Variants in CEP70 observed in about 807,000 individuals in gnomAD.
CEP70 encodes the protein centrosomal protein 70, also known as centrosomal protein of 70 kDa.
CEP70 carries 70 observed loss-of-function variants against 90.9 expected under a neutral mutation model. The ratio of observed to expected loss-of-function variants is 0.77; its 90% confidence interval spans 0.64 to 0.94. The LOEUF (loss-of-function observed/expected upper bound fraction) is 0.94, where lower values mean the gene tolerates loss of function less well. Ranked by LOEUF, CEP70 falls within the 40% of genes least tolerant of loss-of-function variation. The probability of loss-of-function intolerance (pLI) is 0.00; values close to 1 mark genes in which losing one functional copy is unlikely to be tolerated. For missense variants in CEP70, 648 were observed against 669.0 expected (o/e 0.97, Z 0.35); for synonymous variants, 220 against 228.3 (o/e 0.96, Z 0.33).
chr3:138,499,482 T>G (rs1257002949), intron 16 of CEP70, among the ~76,000 whole-genome samples: 1 of 152,224 alleles, frequency 6.6e-6, no homozygotes, highest in African/African-American at 2.4e-5. Context: ...TAACAAGGTT[T>G]GAATTTCTCC....
At chr3:138,547,688 T>A (rs1413081384) in intron 6 of CEP70, among the ~76,000 whole-genome samples, 1 of 152,116 alleles carries the variant, frequency 6.6e-6, no homozygotes, top group East Asian at 1.9e-4. Flanking sequence ...AAGGGTTACC[T>A]GAAAATAAGT....
intron 6 of CEP70, among the ~76,000 whole-genome samples, chr3:138,565,306 A>G (rs2040703813): frequency 6.6e-6 from 1 of 152,212 alleles, no homozygotes; most frequent in Admixed American, 6.5e-5. Flanking sequence ...ATCCCCATCA[A>G]GCTACCACTG....
At chr3:138,521,785 T>C (rs2036677203) in intron 11 of CEP70, among the ~76,000 whole-genome samples, 2 of 152,166 alleles carry the variant, frequency 1.3e-5, no homozygotes, top group Non-Finnish European at 1.5e-5. Flanking sequence ...CTGGGAGGTG[T>C]ACCCAACAGC....
chr3:138,523,699 C>A (rs1275376409), intron 11 of CEP70, among the ~76,000 whole-genome samples: 5 of 151,992 alleles, frequency 3.3e-5, no homozygotes, highest in African/African-American at 1.2e-4. Flanking sequence ...GGAGAACTAC[C>A]AACCACTGCT....
At chr3:138,521,038 G>C (rs1228394143) in intron 11 of CEP70, among the ~76,000 whole-genome samples, 1 of 152,178 alleles carries the variant, frequency 6.6e-6, no homozygotes, top group African/African-American at 2.4e-5. Context: ...TCCAACTCCT[G>C]ACCTCGAGTG....
chr3:138,586,677 TG>T (rs2108269007), intron 2 of CEP70, among the ~76,000 whole-genome samples: 1 of 152,052 alleles, frequency 6.6e-6, no homozygotes, highest in Non-Finnish European at 1.5e-5. Context: ...TACCAAAGGC[TG>T]GGAAGAGTAA....
At chr3:138,498,175 C>T (rs2034120495) in intron 16 of CEP70, 65 bp from the exon 17 acceptor site, 7 of 1,145,748 alleles carry the variant, frequency 6.1e-6, no homozygotes, top group Admixed American at 2.1e-5. Flanking sequence ...TGATTGCAAA[C>T]AGAACATTTT....
intron 3 of CEP70, among the ~76,000 whole-genome samples, chr3:138,571,663 G>A (rs2041184522): frequency 6.6e-6 from 1 of 152,084 alleles, no homozygotes; most frequent in South Asian, 2.1e-4. Context: ...ATAAATCTAA[G>A]GTTTTAGATT....
chr3:138,533,557 G>C (rs1300880772), intron 7 of CEP70, among the ~76,000 whole-genome samples: 1 of 152,044 alleles, frequency 6.6e-6, no homozygotes, highest in African/African-American at 2.4e-5. Flanking sequence ...AGTTGGAGAG[G>C]GGGCAGAATG....
intron 6 of CEP70, among the ~76,000 whole-genome samples, chr3:138,540,293 G>A (rs563318107): frequency 3.3e-5 from 5 of 152,080 alleles, no homozygotes; most frequent in East Asian, 3.9e-4. Flanking sequence ...CCAGGAGTTC[G>A]AGACCAGCCC....
At chr3:138,524,371 A>T (rs2036990977) in intron 11 of CEP70, among the ~76,000 whole-genome samples, 1 of 152,166 alleles carries the variant, frequency 6.6e-6, no homozygotes. Context: ...TAAAATTGAC[A>T]AATGGGATCT....
chr3:138,550,798 G>C (rs945654783), intron 6 of CEP70, among the ~76,000 whole-genome samples: 5 of 152,196 alleles, frequency 3.3e-5, no homozygotes, highest in Non-Finnish European at 7.3e-5. Context: ...CAAGCTTTAC[G>C]AATTAACCCA....
intron 6 of CEP70, among the ~76,000 whole-genome samples, chr3:138,541,565 C>T (rs751990356): frequency 3.9e-5 from 6 of 152,120 alleles, no homozygotes; most frequent in Non-Finnish European, 8.8e-5. Context: ...GAGTTCTTCA[C>T]TATGAAAGAG....
chr3:138,534,425 C>T (rs2038093957), intron 7 of CEP70, among the ~76,000 whole-genome samples: 1 of 152,194 alleles, frequency 6.6e-6, no homozygotes. Flanking sequence ...CTACTTCCCC[C>T]TTATGCTATG....
chr3:138,569,921 T>G (rs1449071326), intron 6 of CEP70, among the ~76,000 whole-genome samples: 1 of 151,990 alleles, frequency 6.6e-6, no homozygotes, highest in Non-Finnish European at 1.5e-5. Context: ...AGATATCCAG[T>G]AGAGATATCA....
At chr3:138,502,343 A>AGTT (rs1251542784) in intron 13 of CEP70, among the ~76,000 whole-genome samples, 149 of 152,252 alleles carry the variant, frequency 9.8e-4, no homozygotes, top group African/African-American at 3.5e-3. Context: ...TCTAGAGAAC[A>AGTT]GAAAGAAGTA....
chr3:138,576,939 C>T lies in CEP70; in HGVS notation c.-5-4007G>A, dbSNP rs534337780. The stretch of plus-strand genomic sequence containing the variant: ...GACACAACATACCAGAATCTTGGAA[C>T]CAACCCAAATGTCCATCAATGATAG... On this transcript the variant is annotated intron_variant, in intron 2 of 17. Coordinates refer to ENST00000264982, the MANE Select transcript of CEP70 (RefSeq NM_024491.4). 3.3e-5 allele frequency among the ~76,000 whole-genome samples: 5 copies of T among 152,062 alleles called. No homozygotes were observed. The East Asian group carries it at 9.7e-4, about 29-fold the overall frequency.
chr3:138,497,144 A>T (rs1029810487), intron 17 of CEP70: 2 of 1,099,404 alleles, frequency 1.8e-6, no homozygotes, highest in African/African-American at 3.4e-5. Flanking sequence ...AAGCAAGCTC[A>T]CTCATTGTCT....
At chr3:138,546,206 G>A (rs980261743) in intron 6 of CEP70, among the ~76,000 whole-genome samples, 1 of 151,946 alleles carries the variant, frequency 6.6e-6, no homozygotes, top group African/African-American at 2.4e-5. Context: ...TTTTTTCTCA[G>A]ACCAGCCAAC....
Sources: allele counts gnomAD v4.1 joint callset (sites outside exome capture counted in the v4.1 genomes callset), GRCh38; gene constraint gnomAD v4.1.1; transcripts MANE v1.5; gene names NCBI Gene and HGNC (gene_info 2026-07-23, HGNC 2026-07-21).